The following TMCC3 variants were observed in gnomAD, a reference collection of about 807,000 sequenced individuals.
The protein encoded by TMCC3 is transmembrane and coiled-coil domain protein 3.
A neutral mutation model predicts 40.2 loss-of-function variants in TMCC3; 28 were observed. The observed-to-expected ratio is 0.70, with a 90% CI of 0.52 to 0.95. The LOEUF is 0.95. TMCC3 is among the 40% of genes least tolerant of loss of function. The pLI is 0.00. For missense variants in TMCC3, 554 were observed against 615.2 expected (o/e 0.90, Z 1.05); for synonymous variants, 255 against 248.5 (o/e 1.03, Z -0.25).
chr12:94,639,295 G>A (rs974025734), intron 1 of TMCC3, among the ~76,000 whole-genome samples: 1 of 152,130 alleles, frequency 6.6e-6, no homozygotes, highest in African/African-American at 2.4e-5. Context: ...TAAATCAATT[G>A]ATGAGGCCGA....
Position 94,581,742 on chromosome 12 carries a change from T to C in TMCC3, c.875A>G (p.Glu292Gly). 1 of 1,614,208 alleles carries C rather than the reference T, an allele frequency of 6.2e-7. No individual in the cohort carries two copies. The highest frequency in any genetic ancestry group is 8.5e-7 in the Non-Finnish European group (1 of 1,180,026). ...GGTATCCTTGATCTCCCTCAGTTCC[T>C]CCAGGATCACGGCGAGCTTGCCCTG... ...DSQGKLAVIL[E>G]ELREIKDTQA... Residue 292 changes from glutamate to glycine, a missense_variant, in exon 2 of 4, where the codon GAG becomes GGG. Coordinates refer to ENST00000261226, the MANE Select transcript of TMCC3 (RefSeq NM_020698.4).
At chr12:94,601,143 C>T (rs2068749915) in intron 1 of TMCC3, among the ~76,000 whole-genome samples, 1 of 152,160 alleles carries the variant, frequency 6.6e-6, no homozygotes. Flanking sequence ...TTCTGGACAA[C>T]TGGATATTAG....
At chr12:94,576,465 G>C (rs2068565490) in intron 3 of TMCC3, among the ~76,000 whole-genome samples, 1 of 152,122 alleles carries the variant, frequency 6.6e-6, no homozygotes, top group African/African-American at 2.4e-5. Flanking sequence ...TAAAAATGAA[G>C]CTGGGCATTG....
chr12:94,610,978 A>G (rs2068812781), intron 1 of TMCC3, among the ~76,000 whole-genome samples: 1 of 152,152 alleles, frequency 6.6e-6, no homozygotes, highest in Non-Finnish European at 1.5e-5. Flanking sequence ...TTATTTTCAT[A>G]TTAAAAAAAA....
intron 1 of TMCC3, among the ~76,000 whole-genome samples, chr12:94,587,376 C>T (rs1206305415): frequency 6.6e-6 from 1 of 152,208 alleles, no homozygotes; most frequent in African/African-American, 2.4e-5. Context: ...TACTGCACAA[C>T]TCCATCAAGT....
intron 1 of TMCC3, among the ~76,000 whole-genome samples, chr12:94,624,495 C>A (rs1371869082): frequency 1.3e-5 from 2 of 149,292 alleles, no homozygotes; most frequent in African/African-American, 4.9e-5. Context: ...GGTGGATCGT[C>A]TGAGCTCAGG....
chr12:94,634,763 G>A (rs931894015), intron 1 of TMCC3, among the ~76,000 whole-genome samples: 3 of 152,152 alleles, frequency 2.0e-5, no homozygotes, highest in Non-Finnish European at 4.4e-5. Context: ...TAATTTTGGT[G>A]CCCACATGCC....
intron 1 of TMCC3, among the ~76,000 whole-genome samples, chr12:94,635,469 C>T (rs2068955085): frequency 6.6e-6 from 1 of 152,128 alleles, no homozygotes; most frequent in Non-Finnish European, 1.5e-5. Context: ...TGTTTGCAAA[C>T]TGTAGAAGGG....
rs1305856050 is a variant in TMCC3 at position 94,569,757 on chromosome 12, T to G, written c.*1678A>C. The G allele has an allele frequency of 6.6e-6, 1 of 152,232 alleles. No homozygotes were observed. The highest frequency in any genetic ancestry group is 1.5e-5 in the Non-Finnish European group (1 of 68,038). The allele number at this position is 152,232 out of a possible 1,614,324, so 9.4% of individuals were successfully genotyped here. On this transcript the variant is annotated 3_prime_UTR_variant, in exon 4 of 4. Transcript: ENST00000261226. ...CTATGGAACATTCTGTCACATTTTTTTCCTTCAGGAGATTTCCCTAAGAAG... is the reference window on the plus strand; with the variant it reads ...CTATGGAACATTCTGTCACATTTTTGTCCTTCAGGAGATTTCCCTAAGAAG...
At chr12:94,573,217 C>CCCA (rs1555280900) in intron 3 of TMCC3, among the ~76,000 whole-genome samples, 15 of 151,586 alleles carry the variant, frequency 9.9e-5, no homozygotes, top group Non-Finnish European at 2.1e-4. Flanking sequence ...TGATACCCTT[C>CCCA]TCATCCAACC....
intron 1 of TMCC3, among the ~76,000 whole-genome samples, chr12:94,584,353 A>C (rs2068625263): frequency 6.6e-6 from 1 of 152,044 alleles, no homozygotes; most frequent in African/African-American, 2.4e-5. Flanking sequence ...ACCATGAGTA[A>C]AAGCTCCCCG....
At chr12:94,597,165 A>ATATATATATATATATAT (rs1491079878) in intron 1 of TMCC3, among the ~76,000 whole-genome samples, 1 of 93,850 alleles carries the variant, frequency 1.1e-5, no homozygotes, top group African/African-American at 4.5e-5. Context: ...ATATGTATAT[A>ATATATATATATATATAT]AATTAGCCAG....
intron 1 of TMCC3, among the ~76,000 whole-genome samples, chr12:94,583,856 A>G (rs981638934): frequency 2.6e-5 from 4 of 152,198 alleles, no homozygotes; most frequent in African/African-American, 9.7e-5. Flanking sequence ...AGGATGAAAA[A>G]CAGCTCTTTG....
chr12:94,602,432 CAT>C (rs1173777326), intron 1 of TMCC3, among the ~76,000 whole-genome samples: 2 of 152,184 alleles, frequency 1.3e-5, no homozygotes, highest in Admixed American at 1.3e-4. Flanking sequence ...CCATAGCAAA[CAT>C]GTGCACTGGT....
chr12:94,622,656 C>T (rs1283430076), intron 1 of TMCC3, among the ~76,000 whole-genome samples: 1 of 152,144 alleles, frequency 6.6e-6, no homozygotes, highest in Middle Eastern at 3.2e-3. Context: ...TCTGGTCGGA[C>T]ATTTTCCATA....
At chr12:94,588,181 C>A (rs984193580) in intron 1 of TMCC3, among the ~76,000 whole-genome samples, 5 of 152,226 alleles carry the variant, frequency 3.3e-5, no homozygotes, top group Non-Finnish European at 7.3e-5. Flanking sequence ...GCGGCTTGGA[C>A]ACACTGTGCA....
chr12:94,598,667 T>A, intron 1 of TMCC3: 1 of 985,412 alleles, frequency 1.0e-6, no homozygotes, highest in Non-Finnish European at 1.2e-6. Flanking sequence ...GGTTCTACAG[T>A]CATTAAATGC....
At chr12:94,617,178 C>G (rs2068852452) in intron 1 of TMCC3, among the ~76,000 whole-genome samples, 1 of 152,174 alleles carries the variant, frequency 6.6e-6, no homozygotes, top group African/African-American at 2.4e-5. Flanking sequence ...AATTTTCAGC[C>G]TCAGACATGA....
chr12:94,643,140 C>T (rs1032429090), intron 1 of TMCC3, among the ~76,000 whole-genome samples: 7 of 151,840 alleles, frequency 4.6e-5, no homozygotes, highest in African/African-American at 1.2e-4. Flanking sequence ...TGCAGTGAGC[C>T]GAGATTGCAC....
Sources: allele counts gnomAD v4.1 joint callset (sites outside exome capture counted in the v4.1 genomes callset), GRCh38; gene constraint gnomAD v4.1.1; transcripts MANE v1.5; gene names NCBI Gene and HGNC (gene_info 2026-07-23, HGNC 2026-07-21).